CLECL1: variants seen among roughly 807,000 people sequenced by gnomAD.
The protein encoded by CLECL1 is C-type lectin-like domain family 1.
chr12:9,728,199 T>A (rs1866404295), intron 2 of CLECL1, among the ~76,000 whole-genome samples: 4 of 151,850 alleles, frequency 2.6e-5, no homozygotes. Flanking sequence ...ACTGAAATTA[T>A]CTTTGATAAT....
downstream of CLECL1, chr12:9,722,545 A>G (rs1043619448): frequency 2.7e-6 from 4 of 1,503,788 alleles, no homozygotes; most frequent in African/African-American, 4.2e-5. Flanking sequence ...ATAACACATG[A>G]AGTTGAAACT....
chr12:9,714,020 C>G (rs1333417589), downstream of CLECL1, among the ~76,000 whole-genome samples: 2 of 152,202 alleles, frequency 1.3e-5, no homozygotes, highest in Non-Finnish European at 2.9e-5. Flanking sequence ...TCTCTTTTAG[C>G]TGCTAGCAAG....
In CLECL1 at chr12:9,729,699, C is replaced by T. The variant is rs151005312; in HGVS notation, n.83-23G>A. Among the ~76,000 whole-genome samples the T allele has an allele frequency of 5.9e-3, 902 of 152,176 alleles. 7 individuals carry two copies. Among genetic ancestry groups the T allele is most frequent in the African/African-American group, 0.021 (856 of 41,534 alleles). On this transcript the variant is annotated intron_variant and non_coding_transcript_variant, in intron 1 of 3. Coordinates refer to ENST00000621400, the Ensembl canonical transcript of CLECL1. ...AATCTACAAAATTGAATAGATTTCA[C>T]TAGTAAACCCAGCAGGTAGCTCCTT...
chr12:9,711,275 T>A (rs911131721), downstream of CLECL1, among the ~76,000 whole-genome samples: 8 of 152,204 alleles, frequency 5.3e-5, no homozygotes, highest in African/African-American at 1.9e-4. Flanking sequence ...AAGCCAGAAC[T>A]GTTAAGAGAA....
chr12:9,720,430 C>T (rs938499145), downstream of CLECL1, among the ~76,000 whole-genome samples: 4 of 151,520 alleles, frequency 2.6e-5, no homozygotes, highest in African/African-American at 7.3e-5. Context: ...GCAACCTCCG[C>T]CTCCCAGGTT....
the CLECL1 span, among the ~76,000 whole-genome samples, chr12:9,706,211 C>T: frequency 6.6e-6 from 1 of 152,152 alleles, no homozygotes; most frequent in East Asian, 1.9e-4. Context: ...GATTTTGTAA[C>T]CTGAGACTTT....
At chr12:9,728,463 A>G (rs1441052111) in intron 2 of CLECL1, among the ~76,000 whole-genome samples, 1 of 151,846 alleles carries the variant, frequency 6.6e-6, no homozygotes, top group Non-Finnish European at 1.5e-5. Context: ...CCAATGCAAG[A>G]ATTTTATTAG....
chr12:9,719,660 C>T (rs1866285200), downstream of CLECL1, among the ~76,000 whole-genome samples: 1 of 152,094 alleles, frequency 6.6e-6, no homozygotes, highest in African/African-American at 2.4e-5. Context: ...CCCTTGAGCC[C>T]AGGAGTTCAA....
exon 3 of CLECL1, chr12:9,716,538 C>A: frequency 4.2e-6 from 1 of 236,648 alleles, no homozygotes; most frequent in African/African-American, 2.3e-5. Flanking sequence ...TCTTGAATTT[C>A]CCAATAACCT....
At chr12:9,707,396 G>T in the CLECL1 span, among the ~76,000 whole-genome samples, 1 of 152,128 alleles carries the variant, frequency 6.6e-6, no homozygotes, top group Admixed American at 6.5e-5. Flanking sequence ...TTAAAGCCAA[G>T]ATTTCTTAAA....
At chr12:9,728,160 A>C (rs761761351) in intron 2 of CLECL1, among the ~76,000 whole-genome samples, 1 of 151,974 alleles carries the variant, frequency 6.6e-6, no homozygotes, top group East Asian at 1.9e-4. Flanking sequence ...TGCAACGAAG[A>C]AAATATTTGT....
intron 3 of CLECL1, among the ~76,000 whole-genome samples, chr12:9,727,154 G>A (rs1174942621): frequency 1.3e-5 from 2 of 151,600 alleles, no homozygotes; most frequent in Non-Finnish European, 3.0e-5. Flanking sequence ...ATACGAGAGA[G>A]CAAAAGAAAG....
chr12:9,732,772 T>C (rs1866462380), intron 1 of CLECL1, among the ~76,000 whole-genome samples, 177 bp downstream of exon 1: 1 of 152,240 alleles, frequency 6.6e-6, no homozygotes, highest in African/African-American at 2.4e-5. Flanking sequence ...TGGCAATTTA[T>C]TTTATGAACA....
downstream of CLECL1, among the ~76,000 whole-genome samples, chr12:9,721,765 A>T (rs926880913): frequency 2.0e-5 from 3 of 152,224 alleles, no homozygotes; most frequent in African/African-American, 7.2e-5. Flanking sequence ...AGAAGAACAA[A>T]CAAAGGTCTC....
chr12:9,715,357 G>C (rs748129821), downstream of CLECL1, among the ~76,000 whole-genome samples: 1 of 152,006 alleles, frequency 6.6e-6, no homozygotes, highest in African/African-American at 2.4e-5. Flanking sequence ...CTTTACTTGC[G>C]TCACTTAGAG....
At chr12:9,722,467 G>GAAAA (rs34774966), downstream of CLECL1, 56 of 1,079,408 alleles carry the variant, frequency 5.2e-5, no homozygotes, top group African/African-American at 6.9e-4. Context: ...CTCCTAGCCG[G>GAAAA]AAAAAAAAAA....
chr12:9,712,428 T>G (rs1337314830), downstream of CLECL1, among the ~76,000 whole-genome samples: 1 of 152,222 alleles, frequency 6.6e-6, no homozygotes, highest in Non-Finnish European at 1.5e-5. Flanking sequence ...CCTATAGTTC[T>G]TTTTAGTGCC....
chr12:9,708,769 A>G, the CLECL1 span: 1 of 165,282 alleles, frequency 6.1e-6, no homozygotes, highest in Non-Finnish European at 1.3e-5. Context: ...CTCAGGGACA[A>G]AAGGTGGAAA....
chr12:9,718,681 G>A, downstream of CLECL1: 1 of 698,870 alleles, frequency 1.4e-6, no homozygotes, highest in Middle Eastern at 2.3e-4. Flanking sequence ...ATCTGATAAT[G>A]TCCTTACAAG....
Sources: allele counts gnomAD v4.1 joint callset (sites outside exome capture counted in the v4.1 genomes callset), GRCh38; gene constraint gnomAD v4.1.1; transcripts MANE v1.5; gene names NCBI Gene and HGNC (gene_info 2026-07-23, HGNC 2026-07-21).